Variants in HYOU1 observed in about 807,000 individuals in gnomAD.
The protein encoded by HYOU1 is hypoxia up-regulated 1.
HYOU1 carries 40 observed loss-of-function variants against 120.5 expected under a neutral mutation model. The observed-to-expected ratio is 0.33, with a 90% CI of 0.26 to 0.43. HYOU1 has a LOEUF of 0.43. Ranked by LOEUF, HYOU1 falls within the 20% of genes least tolerant of loss-of-function variation. HYOU1 has a pLI of 1.00. For missense variants in HYOU1, 1,085 were observed against 1,278.3 expected, an observed-to-expected ratio of 0.85 and a Z score of 2.31; for synonymous variants, 501 against 479.4, an observed-to-expected ratio of 1.05 and a Z score of -0.59.
At position 119,055,436 on chromosome 11, in the gene HYOU1, G is replaced by T; in HGVS notation, c.264+57C>A. The T allele has an allele frequency of 1.2e-6, 2 of 1,607,582 alleles. 1 individual carries two copies. Among genetic ancestry groups the T allele is most frequent in the South Asian group, 2.2e-5 (2 of 90,914 alleles). ...AGACTGATAAGGAAACAGACTCTGG[G>T]GGCTGCCATCTCCTCTCCTCTGCCC... On this transcript the variant is annotated intron_variant, in intron 4 of 25. Coordinates refer to ENST00000617285, the MANE Select transcript of HYOU1 (RefSeq NM_006389.5). This position sits in a 1 kb window ranked among gnomAD's most constrained non-coding sequence, Gnocchi z 4.0.
chr11:119,048,582 G>A lies in HYOU1; in HGVS notation c.2166-19C>T, dbSNP rs782712882. 1.9e-6 allele frequency: 3 copies of A among 1,612,900 alleles called. No individual in the cohort carries two copies. The highest frequency in any genetic ancestry group is 2.5e-6 in the Non-Finnish European group (3 of 1,179,238). ...CTGAAGTCTATGGGACAAAGGAGGG[G>A]TAGGGATGAGGGAGAGGGCAAGTGA... On this transcript the variant is annotated intron_variant, in intron 18 of 25. Transcript: ENST00000617285. The surrounding 1 kb of genome is among the most constrained non-coding windows in gnomAD (Gnocchi z 4.7).
chr11:119,054,504 G>A lies in HYOU1; in HGVS notation c.668C>T (p.Thr223Ile), dbSNP rs2133605352. The change falls in exon 7 of 26, where the codon ACC (threonine) becomes ATC (isoleucine). Residue 223 changes from threonine (T) to isoleucine (I), a missense_variant. Physicochemically the swap from Thr to Ile is moderately conservative, Grantham distance 89 (BLOSUM62 -1). Transcript: ENST00000617285. ...GCTCCCCTGGCTCACCTGGGCAGTGGTGTTAATATCTTTCCGGCGGAAGAC... is the reference window on the plus strand; with the variant it reads ...GCTCCCCTGGCTCACCTGGGCAGTGATGTTAATATCTTTCCGGCGGAAGAC... ...YGVFRRKDIN[T>I]TAQNIMFYDM... The A allele has an allele frequency of 4.3e-6, 7 of 1,614,058 alleles. No individual in the cohort carries two copies. In the African/African-American group the frequency reaches 9.3e-5, roughly 22 times the overall value.
chr11:119,054,771 G>T (rs2133607983), intron 6 of HYOU1, 96 bp from the exon 7 acceptor site: 1 of 1,314,300 alleles, frequency 7.6e-7, no homozygotes, highest in Non-Finnish European at 1.1e-6. Context: ...AGGTAATTCT[G>T]TGTTGTGGGG....
chr11:119,056,853 C>T (rs1944808353), intron 1 of HYOU1, 167 bp downstream of exon 1: 1 of 177,566 alleles, frequency 5.6e-6, no homozygotes, highest in Non-Finnish European at 1.2e-5. Flanking sequence ...CCGGCCCGCC[C>T]CAGCAAGTGG....
rs80324608 is a variant in HYOU1 at position 119,052,789 on chromosome 11, G to T, written c.835C>A (p.Leu279Ile). 6.2e-7 allele frequency: 1 copy of T among 1,614,012 alleles called. No homozygotes were observed. The highest frequency in any genetic ancestry group is 1.3e-5 in the African/African-American group (1 of 74,926). ...TLGGLEMELRLRERLAGLFNE... is the reference protein window; with the variant it reads ...TLGGLEMELRIRERLAGLFNE... ...AAAAGCCCAGCCAGGCGTTCTCGAA[G>T]CCGGAGCTCCATCTCCAGGCCCCCC... Residue 279 changes from leucine to isoleucine, a missense_variant, in exon 9 of 26, where the codon CTT becomes ATT. Transcript: ENST00000617285. The surrounding 1 kb of genome is among the most constrained non-coding windows in gnomAD (Gnocchi z 5.0).
chr11:119,047,890 AG>A, intron 21 of HYOU1, 56 bp downstream of exon 21: 2 of 1,613,592 alleles, frequency 1.2e-6, no homozygotes, highest in Admixed American at 3.3e-5. Context: ...GGAAGCTGGT[AG>A]GAATGAAAAC....
chr11:119,055,739 G>T lies in HYOU1; in HGVS notation c.185+11C>A. On this transcript the variant is annotated intron_variant, in intron 3 of 25. Transcript: ENST00000617285. This position sits in a 1 kb window ranked among gnomAD's most constrained non-coding sequence, Gnocchi z 4.0. The stretch of plus-strand genomic sequence containing the variant: ...CTCGTTCCCCACCCTTAACACGGGG[G>T]CCACCCTCACTTATTCAAGACAATT... 1 of 1,610,012 alleles carries T rather than the reference G, an allele frequency of 6.2e-7. No individual in the cohort carries two copies. The highest frequency in any genetic ancestry group is 1.1e-5 in the South Asian group (1 of 90,992).
In HYOU1 at chr11:119,049,097, G is replaced by A. The variant is rs1255823738; in HGVS notation, c.1913C>T (p.Pro638Leu). The change falls in exon 17 of 26, where the codon CCC becomes CTC. Residue 638 changes from proline to leucine, a missense_variant. By Grantham distance (98) the Pro-to-Leu change is moderately conservative (BLOSUM62 -3). Transcript: ENST00000617285. ...APVEDGSQPPPPEPKGDATPE... is the reference protein window; with the variant it reads ...APVEDGSQPPLPEPKGDATPE... ...GGTTGCATCTCCCTTAGGTTCAGGG[G>A]GTGGGGGCTGAGAGCCATCCTCCAC... The A allele has an allele frequency of 5.6e-6, 9 of 1,613,954 alleles. No individual in the cohort carries two copies. Among genetic ancestry groups the A allele is most frequent in the Non-Finnish European group, 7.6e-6 (9 of 1,179,988 alleles).
chr11:119,055,382 TCCA>T lies in HYOU1; in HGVS notation c.265-46_265-44del. On this transcript the variant is annotated intron_variant, in intron 4 of 25. Coordinates refer to ENST00000617285, the MANE Select transcript of HYOU1 (RefSeq NM_006389.5). The surrounding 1 kb of genome is among the most constrained non-coding windows in gnomAD (Gnocchi z 4.0). ...AGCAGACTAGTATTAGGCTCCCAAG[TCCA>T]CCATTACCTACCTCTTACATCACAG... The T allele has an allele frequency of 6.2e-7, 1 of 1,609,060 alleles. No homozygotes were observed. Among genetic ancestry groups the T allele is most frequent in the Non-Finnish European group, 8.5e-7 (1 of 1,176,404 alleles).
chr11:119,045,566 G>A lies in HYOU1; in HGVS notation c.*27C>T. On this transcript the variant is annotated 3_prime_UTR_variant, in exon 26 of 26. Coordinates refer to ENST00000617285, the MANE Select transcript of HYOU1 (RefSeq NM_006389.5). ...AGAAGTGGTGGGGGAAGGGGGTGGA[G>A]ATGAATGGGGAAAACAGAGGTGGGG... 1.9e-6 allele frequency: 3 copies of A among 1,589,872 alleles called. No individual in the cohort carries two copies. The highest frequency in any genetic ancestry group is 2.6e-6 in the Non-Finnish European group (3 of 1,157,778).
Position 119,055,345 on chromosome 11 carries a change from G to A in HYOU1, c.265-6C>T, listed in dbSNP as rs1944690639. 6 of 1,612,474 alleles carry A rather than the reference G, an allele frequency of 3.7e-6. No individual in the cohort carries two copies. The highest frequency in any genetic ancestry group is 2.2e-5 in the East Asian group (1 of 44,856). Reference sequence around the variant, plus strand: ...GCCTTTGGATTCTTAATCGCCTGAGGGGTGAAGAAGGAGCAGACTAGTATT... The same window carrying A: ...GCCTTTGGATTCTTAATCGCCTGAGAGGTGAAGAAGGAGCAGACTAGTATT... On this transcript the variant is annotated splice_region_variant and splice_polypyrimidine_tract_variant and intron_variant, in intron 4 of 25. Transcript: ENST00000617285. This position sits in a 1 kb window ranked among gnomAD's most constrained non-coding sequence, Gnocchi z 4.0.
At position 119,055,080 on chromosome 11, in the gene HYOU1, T is replaced by G; in HGVS notation, c.420-20A>C. 1.9e-6 allele frequency: 3 copies of G among 1,613,888 alleles called. No homozygotes were observed. The highest frequency in any genetic ancestry group is 2.5e-6 in the Non-Finnish European group (3 of 1,179,884). ...AGCTGCCTGAGGGGAAGGAAGGTAG[T>G]TGGAGCCAAGGAAAGCCAGGCATTA... On this transcript the variant is annotated intron_variant, in intron 5 of 25. Coordinates refer to ENST00000617285, the MANE Select transcript of HYOU1 (RefSeq NM_006389.5). The surrounding 1 kb of genome is among the most constrained non-coding windows in gnomAD (Gnocchi z 4.0).
chr11:119,056,005 T>C (rs1472529974), intron 2 of HYOU1, 65 bp downstream of exon 2: 17 of 1,487,800 alleles, frequency 1.1e-5, no homozygotes, highest in African/African-American at 5.5e-5. Context: ...AGCCCCAAGC[T>C]CAATTCCCAT....
intron 14 of HYOU1, 69 bp downstream of exon 14, chr11:119,050,966 A>G: frequency 6.3e-7 from 1 of 1,579,150 alleles, no homozygotes; most frequent in Non-Finnish European, 8.7e-7. Context: ...GCCATGTGGA[A>G]CCCACTTTGG....
Position 119,046,801 on chromosome 11 carries a change from G to T in HYOU1, c.2597C>A (p.Ala866Asp), listed in dbSNP as rs2133553491. Residue 866 changes from alanine (A) to aspartate (D), a missense_variant and splice_region_variant, in exon 23 of 26, where the codon GCC becomes GAC. Ala to Asp is a moderately radical substitution (Grantham distance 126). Coordinates refer to ENST00000617285, the MANE Select transcript of HYOU1 (RefSeq NM_006389.5). Reference protein sequence around the residue: ...TLEKVINETWAWKNATLAEQA... With the variant: ...TLEKVINETWDWKNATLAEQA... The stretch of plus-strand genomic sequence containing the variant: ...CTCGGCCAGAGTTGCATTCTTCCAG[G>T]CCTGTGGGTGAGACCAGGAGAGGCT... 1.3e-6 allele frequency: 2 copies of T among 1,599,354 alleles called. No individual in the cohort carries two copies. Among genetic ancestry groups the T allele is most frequent in the Non-Finnish European group, 1.7e-6 (2 of 1,179,898 alleles).
chr11:119,054,148 T>C lies in HYOU1; in HGVS notation c.767A>G (p.Gln256Arg), dbSNP rs2133603138. The C allele has an allele frequency of 6.2e-7, 1 of 1,613,416 alleles. No homozygotes were observed. The change falls in exon 8 of 26, where the codon CAG (glutamine) becomes CGG (arginine). Residue 256 changes from glutamine to arginine, a missense_variant. Around this residue, in one of 4 missense-constraint regions of HYOU1, gnomAD observed 515 missense variants for 677.8 expected, o/e 0.76. Coordinates refer to ENST00000617285, the MANE Select transcript of HYOU1 (RefSeq NM_006389.5). ...TACTCCCCGGATCTGCAGCTGTGGC[T>C]GCATCCCAGCTTCCTTAGTCTTCAC... is the stretch of plus-strand genomic sequence containing the variant. The part of the protein sequence containing the change: ...QMVKTKEAGM[Q>R]PQLQIRGVGF...
At chr11:119,054,718 T>C (rs2133607673) in intron 6 of HYOU1, 43 bp from the exon 7 acceptor site, 2 of 1,578,806 alleles carry the variant, frequency 1.3e-6, no homozygotes, top group Admixed American at 3.4e-5. Context: ...CTCCATACCT[T>C]AGATGAGGGC....
At chr11:119,050,075 T>C (rs1592141900) in intron 14 of HYOU1, among the ~76,000 whole-genome samples, 1 of 152,176 alleles carries the variant, frequency 6.6e-6, no homozygotes, top group Non-Finnish European at 1.5e-5. Flanking sequence ...TCAATAACTG[T>C]ATTGGCTATT....
At position 119,053,929 on chromosome 11, in the gene HYOU1, T is replaced by G. The variant is rs1944602511; in HGVS notation, c.794+192A>C. On this transcript the variant is annotated intron_variant, in intron 8 of 25. Transcript: ENST00000617285. ...TTTGAAAGTTCCATGTCTTCCAGTTTTCCCAAACTGTCCTCCCCTGAGCCT... is the reference window on the plus strand; with the variant it reads ...TTTGAAAGTTCCATGTCTTCCAGTTGTCCCAAACTGTCCTCCCCTGAGCCT... 2 of 511,678 alleles carry G rather than the reference T, an allele frequency of 3.9e-6. 1 individual carries two copies. The allele number at this position is 511,678 out of a possible 1,614,324, so 31.7% of individuals were successfully genotyped here.
Sources: allele counts gnomAD v4.1 joint callset (sites outside exome capture counted in the v4.1 genomes callset), GRCh38; gene constraint gnomAD v4.1.1; regional missense constraint gnomAD v4.1.1; non-coding constraint Gnocchi (gnomAD v3.1); transcripts MANE v1.5; gene names NCBI Gene and HGNC (gene_info 2026-07-23, HGNC 2026-07-21).